ALDH1A2: variants seen among roughly 807,000 people sequenced by gnomAD.
The protein encoded by ALDH1A2 is aldehyde dehydrogenase 1 family member A2, also known as retinal dehydrogenase 2.
A neutral mutation model predicts 60.3 loss-of-function variants in ALDH1A2; 27 were observed. That is an observed-to-expected ratio of 0.45 (90% CI 0.33 to 0.62). The LOEUF (loss-of-function observed/expected upper bound fraction) is 0.62. Among genes scored for constraint, ALDH1A2 ranks in the 20% least tolerant of loss-of-function variants. The pLI, the probability that ALDH1A2 is intolerant of heterozygous loss-of-function variation, is 0.02. For synonymous variants in ALDH1A2, 289 were observed against 232.4 expected (o/e 1.24, Z -2.21); for missense variants, 581 against 643.8 (o/e 0.90, Z 1.06).
chr15:58,052,920 C>T (rs1350626469), intron 1 of ALDH1A2, among the ~76,000 whole-genome samples: 1 of 152,122 alleles, frequency 6.6e-6, no homozygotes, highest in African/African-American at 2.4e-5. Context: ...AAATTTGTTT[C>T]AAAACACTTT....
intron 1 of ALDH1A2, among the ~76,000 whole-genome samples, chr15:58,018,593 A>T (rs539928838): frequency 6.6e-6 from 1 of 152,284 alleles, no homozygotes; most frequent in Non-Finnish European, 1.5e-5. Flanking sequence ...AAAAATAGTA[A>T]CTTTATGTTG....
intron 4 of ALDH1A2, among the ~76,000 whole-genome samples, chr15:58,005,227 T>G (rs1895409717): frequency 6.6e-6 from 1 of 151,970 alleles, no homozygotes; most frequent in Admixed American, 6.6e-5. Context: ...GGTTATCACT[T>G]AGACATCCCA....
intron 1 of ALDH1A2, among the ~76,000 whole-genome samples, chr15:58,017,139 T>C (rs1048295262): frequency 2.0e-5 from 3 of 152,054 alleles, no homozygotes; most frequent in Non-Finnish European, 2.9e-5. Flanking sequence ...AACAATATAT[T>C]TACAAAGACA....
chr15:58,005,748 C>A (rs761215458), intron 4 of ALDH1A2, among the ~76,000 whole-genome samples: 1 of 151,874 alleles, frequency 6.6e-6, no homozygotes, highest in Non-Finnish European at 1.5e-5. Context: ...GGTGACCAAA[C>A]AGAACTGTGT....
At chr15:58,058,758 G>A (rs1423366165) in intron 1 of ALDH1A2, among the ~76,000 whole-genome samples, 1 of 152,136 alleles carries the variant, frequency 6.6e-6, no homozygotes, top group Non-Finnish European at 1.5e-5. Flanking sequence ...TGATGAGGAA[G>A]GGAAACAGAG....
At chr15:58,030,140 A>G (rs1251135926) in intron 1 of ALDH1A2, among the ~76,000 whole-genome samples, 7 of 152,186 alleles carry the variant, frequency 4.6e-5, no homozygotes, top group Non-Finnish European at 5.9e-5. Context: ...AAAATCCTCA[A>G]TAAAATACTG....
chr15:58,064,860 A>AT (rs1295643598), intron 1 of ALDH1A2, among the ~76,000 whole-genome samples: 6 of 149,430 alleles, frequency 4.0e-5, no homozygotes, highest in African/African-American at 1.5e-4. Flanking sequence ...GTTCGTTATA[A>AT]AAAAAAAAAA....
intron 1 of ALDH1A2, among the ~76,000 whole-genome samples, chr15:58,029,982 C>T (rs527298205): frequency 6.0e-4 from 91 of 152,280 alleles, no homozygotes; most frequent in African/African-American, 2.1e-3. Flanking sequence ...TGGTACCATT[C>T]CTTCTGAAAC....
intron 1 of ALDH1A2, among the ~76,000 whole-genome samples, chr15:58,024,168 GGAAGA>G (rs113890824): frequency 0.35 from 53,569 of 151,484 alleles, 10,361 homozygotes; most frequent in Non-Finnish European, 0.46. Flanking sequence ...ACACAAAGGA[GGAAGA>G]GAAAAGACTC....
At chr15:58,000,066 G>A (rs1164245654) in intron 4 of ALDH1A2, among the ~76,000 whole-genome samples, 4 of 151,842 alleles carry the variant, frequency 2.6e-5, no homozygotes, top group Admixed American at 2.0e-4. Context: ...GGAGGGGTGG[G>A]GGAAGGCAGA....
chr15:58,058,341 T>C (rs560195522), intron 1 of ALDH1A2, among the ~76,000 whole-genome samples: 1 of 152,032 alleles, frequency 6.6e-6, no homozygotes, highest in Non-Finnish European at 1.5e-5. Flanking sequence ...GTGGGTTTCC[T>C]AAACTCACAA....
chr15:58,004,413 G>A (rs1186177303), intron 4 of ALDH1A2, among the ~76,000 whole-genome samples: 8 of 151,784 alleles, frequency 5.3e-5, no homozygotes, highest in Non-Finnish European at 7.4e-5. Flanking sequence ...CTTCTAGTGC[G>A]CCCATCACCA....
intron 1 of ALDH1A2, among the ~76,000 whole-genome samples, chr15:58,045,290 T>C (rs1896610911): frequency 6.6e-6 from 1 of 152,044 alleles, no homozygotes; most frequent in Non-Finnish European, 1.5e-5. Context: ...TTTTACACTG[T>C]TGGTTGGAGT....
intron 7 of ALDH1A2, among the ~76,000 whole-genome samples, chr15:57,971,904 T>G (rs1186481228): frequency 6.6e-6 from 1 of 152,164 alleles, no homozygotes; most frequent in Non-Finnish European, 1.5e-5. Flanking sequence ...ATTTTTTATT[T>G]TTTTTTGCAA....
intron 7 of ALDH1A2, among the ~76,000 whole-genome samples, chr15:57,978,624 T>C (rs1894361056): frequency 6.6e-6 from 1 of 152,144 alleles, no homozygotes. Flanking sequence ...CATTATCTCA[T>C]GGAGCAGGGC....
chr15:58,064,809 G>T (rs1897131100), intron 1 of ALDH1A2, among the ~76,000 whole-genome samples: 1 of 151,714 alleles, frequency 6.6e-6, no homozygotes, highest in Non-Finnish European at 1.5e-5. Flanking sequence ...TTTAGGCGAT[G>T]CAACAACAAA....
intron 1 of ALDH1A2, among the ~76,000 whole-genome samples, chr15:58,023,657 G>GAAAAAAAAAA (rs1213838020): frequency 4.3e-5 from 2 of 46,176 alleles, no homozygotes; most frequent in Non-Finnish European, 1.3e-4. Flanking sequence ...CAAAGTGCTG[G>GAAAAAAAAAA]GAAAAAAAAA....
At position 58,014,008 on chromosome 15, in the gene ALDH1A2, AG is replaced by A. The variant is rs748042322; in HGVS notation, c.223-11del. On this transcript the variant is annotated splice_polypyrimidine_tract_variant and intron_variant, in intron 2 of 12. Transcript: ENST00000249750. ...CTTTGTCTATATCTGCCTGTTAGAGAGGAAGAGGCACAACTGAAGAAAAACA... is the reference window on the plus strand; with the variant it reads ...CTTTGTCTATATCTGCCTGTTAGAGAGAAGAGGCACAACTGAAGAAAAACA... The A allele has an allele frequency of 6.2e-7, 1 of 1,614,148 alleles. No homozygotes were observed. The highest frequency in any genetic ancestry group is 2.2e-5 in the East Asian group (1 of 44,878).
chr15:58,039,601 T>G (rs1410960671), intron 1 of ALDH1A2, among the ~76,000 whole-genome samples: 1 of 151,856 alleles, frequency 6.6e-6, no homozygotes, highest in Non-Finnish European at 1.5e-5. Flanking sequence ...AAAAAGTAAC[T>G]GATTAACCAC....
Sources: gnomAD v4.1 joint callset for allele counts (sites outside exome capture counted in the v4.1 genomes callset) on GRCh38, gnomAD v4.1.1 for gene constraint, MANE v1.5 for transcripts, NCBI Gene and HGNC (gene_info 2026-07-23, HGNC 2026-07-21) for gene names.